The following FAM168A variants were observed in gnomAD, a reference collection of about 807,000 sequenced individuals.
The protein encoded by FAM168A is protein FAM168A.
A neutral mutation model predicts 28.5 loss-of-function variants in FAM168A; 3 were observed. The ratio of observed to expected loss-of-function variants is 0.11; its 90% CI spans 0.05 to 0.27. The LOEUF is 0.27. FAM168A is among the 10% of genes least tolerant of loss of function. FAM168A has a pLI of 1.00. For synonymous variants in FAM168A, 122 were observed against 124.2 expected (o/e 0.98, Z 0.12); for missense variants, 222 against 311.5 (o/e 0.71, Z 2.16).
intron 2 of FAM168A, among the ~76,000 whole-genome samples, chr11:73,431,170 C>T (rs1866985478): frequency 1.3e-5 from 2 of 152,020 alleles, no homozygotes; most frequent in South Asian, 2.1e-4. Context: ...GGTGAAACCC[C>T]GTCTCTACTA....
intron 1 of FAM168A, among the ~76,000 whole-genome samples, chr11:73,471,971 ACC>A (rs1867820732): frequency 6.6e-6 from 1 of 152,160 alleles, no homozygotes; most frequent in Admixed American, 6.5e-5. Flanking sequence ...AGCAAGCATT[ACC>A]ACCTGAGCTC....
intron 1 of FAM168A, among the ~76,000 whole-genome samples, chr11:73,479,387 A>C (rs532966189): frequency 1.3e-4 from 18 of 143,166 alleles, no homozygotes; most frequent in Admixed American, 1.0e-3. Flanking sequence ...TTCAAAAAAA[A>C]TATGTCATTT....
intron 1 of FAM168A, among the ~76,000 whole-genome samples, chr11:73,529,160 C>T (rs541152630): frequency 6.6e-6 from 1 of 152,166 alleles, no homozygotes; most frequent in Non-Finnish European, 1.5e-5. Flanking sequence ...TTGCCCAGCC[C>T]CCCAAACAGC....
intron 1 of FAM168A, among the ~76,000 whole-genome samples, chr11:73,559,153 A>C (rs1056036065): frequency 6.6e-6 from 1 of 152,198 alleles, no homozygotes; most frequent in African/African-American, 2.4e-5. Context: ...TATGCCCGTA[A>C]TCCTATCACT....
At chr11:73,505,703 G>A (rs1400215587) in intron 1 of FAM168A, among the ~76,000 whole-genome samples, 1 of 152,170 alleles carries the variant, frequency 6.6e-6, no homozygotes, top group African/African-American at 2.4e-5. Flanking sequence ...GAACAAGCCA[G>A]CAGGTATGTG....
At chr11:73,539,263 A>T (rs1202273838) in intron 1 of FAM168A, among the ~76,000 whole-genome samples, 1 of 151,276 alleles carries the variant, frequency 6.6e-6, no homozygotes, top group Admixed American at 6.6e-5. Context: ...ATTTTTATTT[A>T]TTTATTTTTT....
chr11:73,400,516 G>T lies in FAM168A; in HGVS notation c.*6247C>A, dbSNP rs1590744552. Reference sequence around the variant, plus strand: ...CAATAGATGTCAGCTTTATTGCGCGGATGGCTCAATGGATTTCAACTCTGA... The same window carrying T: ...CAATAGATGTCAGCTTTATTGCGCGTATGGCTCAATGGATTTCAACTCTGA... On this transcript the variant is annotated 3_prime_UTR_variant, in exon 8 of 8. Coordinates refer to ENST00000356467, the MANE Select transcript of FAM168A (RefSeq NM_015159.3). 6.6e-6 allele frequency: 1 copy of T among 152,314 alleles called. No individual in the cohort carries two copies. Among genetic ancestry groups the T allele is most frequent in the East Asian group, 1.9e-4 (1 of 5,188 alleles). The allele number at this position is 152,314 out of a possible 1,614,324, so 9.4% of individuals were successfully genotyped here.
At chr11:73,516,384 A>G (rs1404456607) in intron 1 of FAM168A, among the ~76,000 whole-genome samples, 1 of 152,164 alleles carries the variant, frequency 6.6e-6, no homozygotes, top group African/African-American at 2.4e-5. Context: ...AATGAGAGAA[A>G]TTGTTGAGGA....
At chr11:73,445,848 T>C (rs527401833) in intron 2 of FAM168A, among the ~76,000 whole-genome samples, 9 of 152,302 alleles carry the variant, frequency 5.9e-5, no homozygotes, top group South Asian at 4.1e-4. Flanking sequence ...TGTTTCCTCA[T>C]CTGCAAGATA....
intron 1 of FAM168A, among the ~76,000 whole-genome samples, chr11:73,576,340 T>C (rs1944175084): frequency 2.0e-5 from 3 of 152,204 alleles, no homozygotes; most frequent in African/African-American, 7.2e-5. Context: ...ACAGGAGACC[T>C]GAGAATCCAA....
chr11:73,526,454 G>A (rs12269810), intron 1 of FAM168A, among the ~76,000 whole-genome samples: 4,523 of 152,184 alleles, frequency 0.03, 222 homozygotes, highest in African/African-American at 0.1. Context: ...CCTTTGACTC[G>A]ATAGGTGTCT....
chr11:73,466,091 G>A (rs1468944200), intron 2 of FAM168A, among the ~76,000 whole-genome samples: 1 of 152,088 alleles, frequency 6.6e-6, no homozygotes, highest in East Asian at 1.9e-4. Flanking sequence ...TTCAAACCAG[G>A]AGTGTTTCCA....
At position 73,564,742 on chromosome 11, in the gene FAM168A, C is replaced by CAA. The variant is rs1294055661; in HGVS notation, c.-19+33179_-19+33180dup. ...TGGGCGACACAGTGAGACTCCGTCACAAAAAAAAAAAAAAAAAAAAGAAGG... is the reference window on the plus strand; with the variant it reads ...TGGGCGACACAGTGAGACTCCGTCACAAAAAAAAAAAAAAAAAAAAAAGAAGG... On this transcript the variant is annotated intron_variant, in intron 1 of 7. Coordinates refer to ENST00000356467, the MANE Select transcript of FAM168A (RefSeq NM_015159.3). 1.3e-3 allele frequency among the ~76,000 whole-genome samples: 67 copies of CAA among 50,028 alleles called. 1 individual carries two copies. Among genetic ancestry groups the CAA allele is most frequent in the East Asian group, 2.8e-3 (5 of 1,782 alleles). The allele number at this position is 50,028 out of a possible 152,430, so 32.8% of individuals were successfully genotyped here. A position where few individuals can be genotyped will look rare whatever the true frequency, so the allele number is the denominator to read the frequency against.
At position 73,454,191 on chromosome 11, in the gene FAM168A, C is replaced by A. The variant is rs576072439; in HGVS notation, c.70+14214G>T. Among the ~76,000 whole-genome samples, 5 of 152,234 alleles carry A rather than the reference C, an allele frequency of 3.3e-5. No homozygotes were observed. In the East Asian group the frequency reaches 5.8e-4, roughly 18 times the overall value. On this transcript the variant is annotated intron_variant, in intron 2 of 7. Transcript: ENST00000356467. ...TCCAAGAAGGAACACAGAAAAATTG[C>A]ATTTACAAGAAAATGCAAAAGAAAT...
chr11:73,531,466 T>C (rs913287976), intron 1 of FAM168A, among the ~76,000 whole-genome samples: 1 of 152,204 alleles, frequency 6.6e-6, no homozygotes, highest in African/African-American at 2.4e-5. Context: ...AATATAATTA[T>C]GCTAACTAAG....
Position 73,596,246 on chromosome 11 carries a change from T to C in FAM168A, c.-19+1677A>G, listed in dbSNP as rs564410773. ...AACAATCTCAAGCTCATCAAATCTA[T>C]TTAAATTTCAAAATGCCTGGCTAGT... On this transcript the variant is annotated intron_variant, in intron 1 of 7. Coordinates refer to ENST00000356467, the MANE Select transcript of FAM168A (RefSeq NM_015159.3). 5.1e-4 allele frequency among the ~76,000 whole-genome samples: 78 copies of C among 152,286 alleles called. 1 individual carries two copies. Among genetic ancestry groups the C allele is most frequent in the African/African-American group, 1.8e-3 (76 of 41,542 alleles).
At chr11:73,532,934 C>T (rs755876724) in intron 1 of FAM168A, among the ~76,000 whole-genome samples, 1 of 152,190 alleles carries the variant, frequency 6.6e-6, no homozygotes, top group Non-Finnish European at 1.5e-5. Flanking sequence ...AGGAAAAATG[C>T]TACCTGTCCC....
At chr11:73,590,758 C>T (rs1488340142) in intron 1 of FAM168A, among the ~76,000 whole-genome samples, 30 of 152,094 alleles carry the variant, frequency 2.0e-4, no homozygotes, top group Non-Finnish European at 3.1e-4. Context: ...TAACACTGGT[C>T]GAGAGTAGAA....
At chr11:73,440,253 A>G (rs1039173149) in intron 2 of FAM168A, among the ~76,000 whole-genome samples, 4 of 152,172 alleles carry the variant, frequency 2.6e-5, no homozygotes, top group African/African-American at 7.2e-5. Context: ...CAGATTCAAC[A>G]AAATATATTA....
Sources: gnomAD v4.1 joint callset for allele counts (sites outside exome capture counted in the v4.1 genomes callset) on GRCh38, gnomAD v4.1.1 for gene constraint, MANE v1.5 for transcripts, NCBI Gene and HGNC (gene_info 2026-07-23, HGNC 2026-07-21) for gene names.